CPPED1: variants seen among roughly 807,000 people sequenced by gnomAD.
CPPED1 encodes the protein serine/threonine-protein phosphatase CPPED1.
Under a neutral mutation model 28.0 loss-of-function variants are expected in CPPED1, and 28 were observed. That is an observed-to-expected ratio of 1.00 (90% confidence interval 0.74 to 1.37). The LOEUF (loss-of-function observed/expected upper bound fraction) is 1.37. Among genes scored for constraint, CPPED1 ranks in the 40% most tolerant of loss-of-function variants. The pLI, the probability that CPPED1 is intolerant of heterozygous loss-of-function variation, is 0.00. For synonymous variants in CPPED1, 198 were observed against 180.2 expected (o/e 1.10, Z -0.79); for missense variants, 504 against 416.5 (o/e 1.21, Z -1.83).
At chr16:12,801,602 G>C (rs1237957930) in intron 1 of CPPED1, among the ~76,000 whole-genome samples, 1 of 151,936 alleles carries the variant, frequency 6.6e-6, no homozygotes, top group Admixed American at 6.6e-5. Flanking sequence ...ATAGCTTGTA[G>C]GTATATGCCT....
chr16:12,710,880 T>C (rs528048170), intron 2 of CPPED1, among the ~76,000 whole-genome samples: 1 of 152,256 alleles, frequency 6.6e-6, no homozygotes, highest in East Asian at 1.9e-4. Flanking sequence ...ACCTGGTGCA[T>C]TGTTGATGGG....
At chr16:12,778,496 G>C (rs938137606) in intron 2 of CPPED1, among the ~76,000 whole-genome samples, 9 of 152,086 alleles carry the variant, frequency 5.9e-5, no homozygotes, top group African/African-American at 2.2e-4. Context: ...GGCTGGTCTT[G>C]AATTCCTGAC....
chr16:12,736,280 C>T (rs2080226509), intron 2 of CPPED1, among the ~76,000 whole-genome samples: 4 of 149,780 alleles, frequency 2.7e-5, no homozygotes, highest in African/African-American at 4.9e-5. Flanking sequence ...GAGTCTCACT[C>T]TGATGCCCAG....
chr16:12,770,828 G>A (rs75655084), intron 2 of CPPED1, among the ~76,000 whole-genome samples: 1,998 of 142,036 alleles, frequency 0.014, 19 homozygotes, highest in Admixed American at 0.019. Flanking sequence ...TCAAGGAAAG[G>A]AAAGGGAGGG....
In CPPED1 at chr16:12,664,736, C is replaced by G. The variant is rs1186544078; in HGVS notation, c.*150G>C. On this transcript the variant is annotated 3_prime_UTR_variant, in exon 4 of 4. Transcript: ENST00000381774. This position sits in a 1 kb window ranked among gnomAD's most constrained non-coding sequence, Gnocchi z 4.2. ...ATTTTGAATATAATTCAGGACAGGG[C>G]CCCAGCTCTCTGATTTATGCAAAAG... is the stretch of plus-strand genomic sequence containing the variant. 7.4e-6 allele frequency: 11 copies of G among 1,484,656 alleles called. No individual in the cohort carries two copies. Among genetic ancestry groups the G allele is most frequent in the African/African-American group, 4.3e-5 (3 of 69,440 alleles). The allele number at this position is 1,484,656 out of a possible 1,614,324, so 92.0% of individuals were successfully genotyped here. A position where few individuals can be genotyped will look rare whatever the true frequency, so the allele number is the denominator to read the frequency against.
intron 2 of CPPED1, among the ~76,000 whole-genome samples, chr16:12,730,839 G>C (rs957890118): frequency 6.6e-6 from 1 of 152,172 alleles, no homozygotes; most frequent in Non-Finnish European, 1.5e-5. Context: ...AACTCGAGTG[G>C]TGGGGAAAGG....
chr16:12,744,845 A>G (rs954588133), intron 2 of CPPED1, among the ~76,000 whole-genome samples: 3 of 152,148 alleles, frequency 2.0e-5, no homozygotes, highest in African/African-American at 7.2e-5. Flanking sequence ...TAAGCCAGGC[A>G]TCGTGGCACA....
intron 2 of CPPED1, among the ~76,000 whole-genome samples, chr16:12,755,480 C>G (rs965948787): frequency 2.6e-5 from 4 of 151,876 alleles, no homozygotes; most frequent in Admixed American, 1.3e-4. Context: ...TGGGGTCTCA[C>G]TATGTGGCTG....
In CPPED1 at chr16:12,675,547, C is replaced by T. The variant is rs151219493; in HGVS notation, c.716-10432G>A. Reference sequence around the variant, plus strand: ...GTCACTGTATAATGTAATATTCTAACATTGGAAACCTGCTTCAAATCAATC... The same window carrying T: ...GTCACTGTATAATGTAATATTCTAATATTGGAAACCTGCTTCAAATCAATC... On this transcript the variant is annotated intron_variant, in intron 3 of 3. Coordinates refer to ENST00000381774, the MANE Select transcript of CPPED1 (RefSeq NM_018340.3). Among the ~76,000 whole-genome samples, 267 of 152,316 alleles carry T rather than the reference C, an allele frequency of 1.8e-3. 2 individuals are homozygous for T. Among genetic ancestry groups the T allele is most frequent in the African/African-American group, 6.2e-3 (256 of 41,564 alleles).
At chr16:12,669,762 A>G (rs1255984799) in intron 3 of CPPED1, among the ~76,000 whole-genome samples, 2 of 152,202 alleles carry the variant, frequency 1.3e-5, no homozygotes, top group Non-Finnish European at 1.5e-5. Context: ...GGATTCTCTA[A>G]TAAAAGGAAC....
At chr16:12,770,923 A>C (rs1267990278) in intron 2 of CPPED1, among the ~76,000 whole-genome samples, 2 of 152,066 alleles carry the variant, frequency 1.3e-5, no homozygotes, top group Non-Finnish European at 2.9e-5. Flanking sequence ...AAGGGTGAGC[A>C]TGCTGACATT....
chr16:12,770,469 G>A (rs976865230), intron 2 of CPPED1, among the ~76,000 whole-genome samples: 2 of 152,120 alleles, frequency 1.3e-5, no homozygotes, highest in African/African-American at 4.8e-5. Flanking sequence ...CTAGACAGAT[G>A]GAAGGAGAAA....
chr16:12,783,547 G>C (rs2080544945), intron 1 of CPPED1, among the ~76,000 whole-genome samples: 1 of 151,752 alleles, frequency 6.6e-6, no homozygotes, highest in Non-Finnish European at 1.5e-5. Flanking sequence ...AGATAGGAAA[G>C]GCCTCTCTGA....
intron 2 of CPPED1, among the ~76,000 whole-genome samples, chr16:12,747,924 T>C (rs1418615759): frequency 1.3e-5 from 2 of 152,208 alleles, no homozygotes; most frequent in South Asian, 2.1e-4. Flanking sequence ...TATATCTCCA[T>C]AAACCTAAAA....
At chr16:12,708,769 C>T (rs1197984376) in intron 2 of CPPED1, among the ~76,000 whole-genome samples, 2 of 152,158 alleles carry the variant, frequency 1.3e-5, no homozygotes, top group Non-Finnish European at 2.9e-5. Flanking sequence ...CACAACTTAG[C>T]AGAGCTTCCT....
intron 1 of CPPED1, among the ~76,000 whole-genome samples, chr16:12,801,769 A>G (rs1268114152): frequency 6.6e-6 from 1 of 152,174 alleles, no homozygotes; most frequent in Non-Finnish European, 1.5e-5. Flanking sequence ...GATGATTTTA[A>G]AAAGGGTTTA....
intron 2 of CPPED1, among the ~76,000 whole-genome samples, chr16:12,746,373 CAAAAAAAAAA>C (rs71142518): frequency 9.5e-6 from 1 of 105,552 alleles, no homozygotes; most frequent in Non-Finnish European, 1.8e-5. Flanking sequence ...GACTCTGACT[CAAAAAAAAAA>C]AAAAAAAAAA....
rs551050064 is a variant in CPPED1, at chr16:12,701,109, G to T, written c.715+3515C>A. 9.2e-5 allele frequency among the ~76,000 whole-genome samples: 14 copies of T among 151,390 alleles called. No individual in the cohort carries two copies. The East Asian group carries it at 2.5e-3, about 27-fold the overall frequency. On this transcript the variant is annotated intron_variant, in intron 3 of 3. Transcript: ENST00000381774. ...CCAGGCATCGTGGCACTCCCCTGTA[G>T]TCCCAGCTACTTAGGGGGCTGAGGT...
At chr16:12,706,229 G>A (rs1199334562) in intron 2 of CPPED1, among the ~76,000 whole-genome samples, 1 of 151,842 alleles carries the variant, frequency 6.6e-6, no homozygotes, top group East Asian at 2.0e-4. Flanking sequence ...AGCCTCACAT[G>A]TATTCATGTA....
Sources: allele counts gnomAD v4.1 joint callset (sites outside exome capture counted in the v4.1 genomes callset), GRCh38; gene constraint gnomAD v4.1.1; non-coding constraint Gnocchi (gnomAD v3.1); transcripts MANE v1.5; gene names NCBI Gene and HGNC (gene_info 2026-07-23, HGNC 2026-07-21).